CEP290: variants seen among roughly 807,000 people sequenced by gnomAD.
CEP290 encodes the protein centrosomal protein of 290 kDa.
A neutral mutation model predicts 344.9 loss-of-function variants in CEP290; 317 were observed. That is an observed-to-expected ratio of 0.92 (90% confidence interval 0.84 to 1.01). The LOEUF (loss-of-function observed/expected upper bound fraction) is 1.01. Ranked by LOEUF, CEP290 falls within the 50% of genes least tolerant of loss-of-function variation. The pLI, the probability that CEP290 is intolerant of heterozygous loss-of-function variation, is 0.00. For synonymous variants in CEP290, 932 were observed against 895.8 expected, an observed-to-expected ratio of 1.04 and a Z score of -0.72; for missense variants, 2,754 against 2,761.4, an observed-to-expected ratio of 1.00 and a Z score of 0.06.
chr12:88,062,637 T>C (rs991318405), intron 46 of CEP290, 55 bp downstream of exon 46: 2 of 1,187,648 alleles, frequency 1.7e-6, no homozygotes, highest in Non-Finnish European at 1.2e-6. Flanking sequence ...AAACTTTTCA[T>C]TTCTGGCTTA....
At chr12:88,101,518 G>T (rs1219146593) in intron 26 of CEP290, among the ~76,000 whole-genome samples, 13 of 150,536 alleles carry the variant, frequency 8.6e-5, no homozygotes. Context: ...AGCTGGTGTG[G>T]TGGTGCACAC....
At chr12:88,057,245 A>G (rs1214219151) in intron 49 of CEP290, among the ~76,000 whole-genome samples, 1 of 152,176 alleles carries the variant, frequency 6.6e-6, no homozygotes, top group East Asian at 1.9e-4. Context: ...TCATAGTAAG[A>G]ATTAGGGTCT....
Position 88,077,703 on chromosome 12 carries a change from TCCA to T in CEP290, c.5577_5579del (p.Ser1859_Gly1860delinsArg), listed in dbSNP as rs2035881706. On this transcript the variant is annotated inframe_deletion, in exon 40 of 54. Coordinates refer to ENST00000552810, the MANE Select transcript of CEP290 (RefSeq NM_025114.4). ...GAGTTAAATATAAAATTACCTGTAA[TCCA>T]CTGGTTAGTCTTTTAATTTGCCTTT... The T allele has an allele frequency of 1.3e-6, 2 of 1,522,370 alleles. No individual in the cohort carries two copies. The highest frequency in any genetic ancestry group is 2.5e-5 in the South Asian group (2 of 80,980). 94.3% of individuals were successfully genotyped at this position (1,522,370 alleles called of 1,614,324 possible).
chr12:88,075,669 C>T, intron 41 of CEP290, among the ~76,000 whole-genome samples: 1 of 152,010 alleles, frequency 6.6e-6, no homozygotes, highest in East Asian at 1.9e-4. Context: ...ACTACAAATT[C>T]TGTTTACAGA....
In CEP290 at chr12:88,114,537, C is replaced by T; in HGVS notation, c.1935G>A (p.Lys645=). Residue 645 remains lysine (K), a synonymous_variant, in exon 20 of 54, where the codon AAG becomes AAA. Coordinates refer to ENST00000552810, the MANE Select transcript of CEP290 (RefSeq NM_025114.4). ...TTTCTTTCATACCTTCTTCAAGTTG[C>T]TTATTTTCTTCAACTAATTCTTTTA... ...NKLKELVEEN[K]QLEEGMKEIL... 1.3e-6 allele frequency: 2 copies of T among 1,537,610 alleles called. No homozygotes were observed. The highest frequency in any genetic ancestry group is 1.8e-6 in the Non-Finnish European group (2 of 1,142,010).
chr12:88,129,655 A>T (rs1158836884), intron 10 of CEP290, 39 bp downstream of exon 10: 2 of 1,146,360 alleles, frequency 1.7e-6, no homozygotes, highest in Non-Finnish European at 2.4e-6. Flanking sequence ...AGATAATATG[A>T]AGTCTGAATA....
In CEP290 at chr12:88,058,831, T is replaced by G; in HGVS notation, c.6818+17A>C. On this transcript the variant is annotated intron_variant, in intron 49 of 53. Transcript: ENST00000552810. ...GAAATGATTAAACTTTGTACAAGTT[T>G]AAAACTCTGTTCCTACCTTGTAACC... 6.2e-7 allele frequency: 1 copy of G among 1,611,188 alleles called. No homozygotes were observed. Among genetic ancestry groups the G allele is most frequent in the Non-Finnish European group, 8.5e-7 (1 of 1,179,266 alleles).
At chr12:88,056,911 C>T (rs2034053150) in intron 49 of CEP290, among the ~76,000 whole-genome samples, 1 of 151,898 alleles carries the variant, frequency 6.6e-6, no homozygotes, top group South Asian at 2.1e-4. Flanking sequence ...ATTTAGGGAA[C>T]CTAAATTTGA....
chr12:88,054,391 G>A lies in CEP290; in HGVS notation c.6983C>T (p.Pro2328Leu). Reference protein sequence around the residue: ...EQQIKILKHVPEGAETEQGLK... With the variant: ...EQQIKILKHVLEGAETEQGLK... ...GCCTTGCTCTGTCTCAGCACCTTCAGGAACATGTTTAAGAATCTTAATCTT... is the reference window on the plus strand; with the variant it reads ...GCCTTGCTCTGTCTCAGCACCTTCAAGAACATGTTTAAGAATCTTAATCTT... Residue 2328 changes from proline to leucine, a missense_variant, in exon 51 of 54, where the codon CCT becomes CTT. Transcript: ENST00000552810. The A allele has an allele frequency of 1.2e-6, 2 of 1,611,288 alleles. No individual in the cohort carries two copies. The highest frequency in any genetic ancestry group is 8.5e-7 in the Non-Finnish European group (1 of 1,178,430).
At chr12:88,084,976 T>C in intron 34 of CEP290, 124 bp from the exon 35 acceptor site, 1 of 695,270 alleles carries the variant, frequency 1.4e-6, no homozygotes, top group Non-Finnish European at 2.3e-6. Flanking sequence ...ATATGTACAA[T>C]AGCCATTTGA....
chr12:88,057,990 T>C (rs1202467901), intron 49 of CEP290: 1 of 152,166 alleles, frequency 6.6e-6, no homozygotes, highest in African/African-American at 2.4e-5. Context: ...CCTTTTGAAA[T>C]GGGGGCGGCA....
At chr12:88,081,280 G>C (rs141745772) in intron 37 of CEP290, among the ~76,000 whole-genome samples, 11 of 152,130 alleles carry the variant, frequency 7.2e-5, no homozygotes, top group Admixed American at 2.0e-4. Context: ...GCCCTATATT[G>C]ACATATTGAA....
At chr12:88,098,175 C>T (rs185007524) in intron 26 of CEP290, among the ~76,000 whole-genome samples, 36 of 151,796 alleles carry the variant, frequency 2.4e-4, no homozygotes, top group Admixed American at 3.9e-4. Flanking sequence ...CATGATGGCA[C>T]TTGCCTGTAA....
intron 11 of CEP290, among the ~76,000 whole-genome samples, chr12:88,127,523 T>C (rs1446947615): frequency 6.6e-6 from 1 of 151,842 alleles, no homozygotes; most frequent in African/African-American, 2.4e-5. Context: ...AAACAAGATA[T>C]TAGGAGAAAA....
At chr12:88,105,009 G>T (rs2038170721) in intron 25 of CEP290, among the ~76,000 whole-genome samples, 1 of 152,078 alleles carries the variant, frequency 6.6e-6, no homozygotes, top group Admixed American at 6.6e-5. Flanking sequence ...TTTCTAACTT[G>T]TCTACTGAGA....
chr12:88,098,495 C>T (rs757230292), intron 26 of CEP290, among the ~76,000 whole-genome samples: 5 of 151,638 alleles, frequency 3.3e-5, no homozygotes, highest in Non-Finnish European at 2.9e-5. Context: ...ACCTGTAATC[C>T]CAGCTATTTT....
At chr12:88,096,220 T>G in intron 27 of CEP290, among the ~76,000 whole-genome samples, 1 of 152,128 alleles carries the variant, frequency 6.6e-6, no homozygotes, top group East Asian at 1.9e-4. Context: ...GGCTAATTTT[T>G]GTACTTTTAG....
intron 41 of CEP290, among the ~76,000 whole-genome samples, chr12:88,075,885 A>G (rs1440661586): frequency 6.6e-6 from 1 of 152,202 alleles, no homozygotes; most frequent in African/African-American, 2.4e-5. Flanking sequence ...AGACTTCCGC[A>G]TATCATATCA....
intron 37 of CEP290, among the ~76,000 whole-genome samples, chr12:88,080,922 T>C (rs2036151706): frequency 6.6e-6 from 1 of 152,236 alleles, no homozygotes; most frequent in African/African-American, 2.4e-5. Context: ...TTCTAGTTTC[T>C]AATATTTTTG....
Sources: gnomAD v4.1 joint callset for allele counts (sites outside exome capture counted in the v4.1 genomes callset) on GRCh38, gnomAD v4.1.1 for gene constraint, MANE v1.5 for transcripts, NCBI Gene and HGNC (gene_info 2026-07-23, HGNC 2026-07-21) for gene names.